Variants in CHRNA5 observed in about 807,000 individuals in gnomAD.
CHRNA5 encodes neuronal acetylcholine receptor subunit alpha-5.
A neutral mutation model predicts 41.2 loss-of-function variants in CHRNA5; 28 were observed. The ratio of observed to expected loss-of-function variants is 0.68; its 90% CI spans 0.50 to 0.93. The LOEUF is 0.93. Ranked by LOEUF, CHRNA5 falls within the 40% of genes least tolerant of loss-of-function variation. The probability of loss-of-function intolerance (pLI) is 0.00; values close to 1 mark genes in which losing one functional copy is unlikely to be tolerated. For missense variants in CHRNA5, 481 were observed against 581.9 expected, an observed-to-expected ratio of 0.83 and a Z score of 1.78; for synonymous variants, 188 against 205.8, an observed-to-expected ratio of 0.91 and a Z score of 0.74.
chr15:78,580,973 A>G lies in CHRNA5; in HGVS notation c.258+11A>G. On this transcript the variant is annotated intron_variant, in intron 2 of 5. Transcript: ENST00000299565. ...CAATTGGTGGATGTGGTAGGTGTGCATATCCTTCTATAGTCAATTTCCCAC... is the reference window on the plus strand; with the variant it reads ...CAATTGGTGGATGTGGTAGGTGTGCGTATCCTTCTATAGTCAATTTCCCAC... 2 of 1,609,030 alleles carry G rather than the reference A, an allele frequency of 1.2e-6. No homozygotes were observed. Among genetic ancestry groups the G allele is most frequent in the South Asian group, 2.2e-5 (2 of 90,786 alleles).
chr15:78,582,112 A>C (rs1383240726), intron 2 of CHRNA5, among the ~76,000 whole-genome samples: 1 of 152,198 alleles, frequency 6.6e-6, no homozygotes, highest in East Asian at 1.9e-4. Context: ...AGAAAGGTTA[A>C]TGAATATATG....
chr15:78,580,983 A>G (rs754120777), intron 2 of CHRNA5, 21 bp downstream of exon 2: 10 of 1,604,934 alleles, frequency 6.2e-6, no homozygotes, highest in Admixed American at 1.7e-5. Context: ...ATATCCTTCT[A>G]TAGTCAATTT....
exon 1 of CHRNA5, chr15:78,565,782 G>T (rs1391837505): frequency 2.5e-6 from 3 of 1,221,142 alleles, no homozygotes; most frequent in Non-Finnish European, 2.0e-6. Flanking sequence ...AGCTGGTCGC[G>T]GGGCGCTGCG....
At chr15:78,585,108 A>G (rs1422719017) in intron 2 of CHRNA5, among the ~76,000 whole-genome samples, 1 of 152,112 alleles carries the variant, frequency 6.6e-6, no homozygotes, top group Non-Finnish European at 1.5e-5. Flanking sequence ...AGTAGAGACC[A>G]GGTTTCATCA....
chr15:78,593,414 T>C, exon 6 of CHRNA5: 1 of 619,392 alleles, frequency 1.6e-6, no homozygotes, highest in Non-Finnish European at 2.5e-6. Flanking sequence ...ATTTGAACAG[T>C]TGGCTGTATG....
intron 1 of CHRNA5, among the ~76,000 whole-genome samples, chr15:78,578,766 T>C (rs188181677): frequency 1.4e-4 from 21 of 152,356 alleles, no homozygotes; most frequent in Admixed American, 3.9e-4. Flanking sequence ...CACTTGCTAC[T>C]GTAATCCTTA....
At chr15:78,582,478 CTG>C (rs2052921706) in intron 2 of CHRNA5, among the ~76,000 whole-genome samples, 1 of 142,726 alleles carries the variant, frequency 7.0e-6, no homozygotes, top group African/African-American at 2.6e-5. Flanking sequence ...GAGCAAGACT[CTG>C]TCTCAAAAAA....
exon 6 of CHRNA5, chr15:78,593,575 G>A (rs188919226): frequency 5.7e-6 from 1 of 175,282 alleles, no homozygotes; most frequent in Non-Finnish European, 1.2e-5. Flanking sequence ...CTGTGCTGGA[G>A]AATTCCAGTT....
chr15:78,567,868 A>G (rs2052764292), intron 1 of CHRNA5, among the ~76,000 whole-genome samples: 1 of 152,188 alleles, frequency 6.6e-6, no homozygotes, highest in Non-Finnish European at 1.5e-5. Context: ...GTAATTGCAC[A>G]CTTGCTCTTA....
chr15:78,592,702 C>A (rs966430301), intron 5 of CHRNA5, among the ~76,000 whole-genome samples: 2 of 152,126 alleles, frequency 1.3e-5, no homozygotes, highest in Non-Finnish European at 2.9e-5. Context: ...TTTAATTTGG[C>A]ATGAAATTAA....
intron 5 of CHRNA5, chr15:78,590,888 A>G (rs2053006942): frequency 4.3e-6 from 2 of 461,446 alleles, no homozygotes; most frequent in East Asian, 7.8e-5. Flanking sequence ...ATAACTCTAA[A>G]GAAAATTTAG....
chr15:78,570,495 C>T (rs986399129), intron 1 of CHRNA5, among the ~76,000 whole-genome samples: 24 of 135,256 alleles, frequency 1.8e-4, no homozygotes, highest in Non-Finnish European at 2.7e-4. Flanking sequence ...GTCTTGAACT[C>T]CTGGCCTCGA....
chr15:78,583,563 C>T (rs1349656432), intron 2 of CHRNA5, among the ~76,000 whole-genome samples: 4 of 152,124 alleles, frequency 2.6e-5, no homozygotes, highest in East Asian at 1.9e-4. Context: ...GGCATGGTGG[C>T]GGGCACCTGT....
intron 1 of CHRNA5, among the ~76,000 whole-genome samples, chr15:78,575,401 A>G (rs1431221521): frequency 1.3e-5 from 2 of 151,938 alleles, no homozygotes; most frequent in African/African-American, 2.4e-5. Flanking sequence ...TTCTTATCCT[A>G]TTTTTAGTGT....
At chr15:78,576,925 AAG>A (rs1366655927) in intron 1 of CHRNA5, among the ~76,000 whole-genome samples, 1 of 152,232 alleles carries the variant, frequency 6.6e-6, no homozygotes, top group African/African-American at 2.4e-5. Flanking sequence ...AACTTCTAAA[AAG>A]AATTTTTCCA....
At chr15:78,568,529 A>G (rs1330055510) in intron 1 of CHRNA5, among the ~76,000 whole-genome samples, 1 of 151,922 alleles carries the variant, frequency 6.6e-6, no homozygotes, top group African/African-American at 2.4e-5. Context: ...GGTTTGTTAC[A>G]TAGGTATACA....
chr15:78,570,755 C>T (rs1356716518), intron 1 of CHRNA5, among the ~76,000 whole-genome samples: 1 of 152,012 alleles, frequency 6.6e-6, no homozygotes, highest in Non-Finnish European at 1.5e-5. Context: ...TTACATTCAA[C>T]TGTATGTATG....
chr15:78,578,533 T>C (rs2052880130), intron 1 of CHRNA5, among the ~76,000 whole-genome samples: 1 of 152,166 alleles, frequency 6.6e-6, no homozygotes, highest in African/African-American at 2.4e-5. Flanking sequence ...AAATAAATAA[T>C]TTTTTAAAAT....
chr15:78,590,084 C>A, exon 5 of CHRNA5: 5 of 1,614,160 alleles, frequency 3.1e-6, no homozygotes, highest in Non-Finnish European at 4.2e-6. Flanking sequence ...GAAACAGAAC[C>A]GACAGCTGTT....
Sources: gnomAD v4.1 joint callset for allele counts (sites outside exome capture counted in the v4.1 genomes callset) on GRCh38, gnomAD v4.1.1 for gene constraint, MANE v1.5 for transcripts, NCBI Gene and HGNC (gene_info 2026-07-23, HGNC 2026-07-21) for gene names.